ITPRIP: variants seen among roughly 807,000 people sequenced by gnomAD.
The protein encoded by ITPRIP is inositol 1,4,5-trisphosphate receptor-interacting protein.
ITPRIP carries 32 observed loss-of-function variants against 35.8 expected under a neutral mutation model. That is an observed-to-expected ratio of 0.89 (90% CI 0.68 to 1.20). ITPRIP has a LOEUF of 1.20. ITPRIP is among the 50% of genes most tolerant of loss of function. ITPRIP has a pLI of 0.00. For missense variants in ITPRIP, 653 were observed against 735.6 expected, an observed-to-expected ratio of 0.89 and a Z score of 1.30; for synonymous variants, 358 against 324.0, an observed-to-expected ratio of 1.11 and a Z score of -1.13.
intron 1 of ITPRIP, among the ~76,000 whole-genome samples, chr10:104,336,493 T>A: frequency 9.2e-6 from 1 of 108,172 alleles, no homozygotes; most frequent in South Asian, 3.3e-4. Context: ...TTATTTTTTT[T>A]TGGGGGGGGG....
rs1186018852 is a variant in ITPRIP, at chr10:104,333,454, G to A, written c.-14+4792C>T. The A allele has an allele frequency of 6.6e-6, 1 of 152,198 alleles. No homozygotes were observed. The highest frequency in any genetic ancestry group is 1.5e-5 in the Non-Finnish European group (1 of 68,072). The allele number at this position is 152,198 out of a possible 1,614,324, so 9.4% of individuals were successfully genotyped here. On this transcript the variant is annotated intron_variant, in intron 1 of 1. Transcript: ENST00000337478. This position sits in a 1 kb window ranked among gnomAD's most constrained non-coding sequence, Gnocchi z 4.1. The stretch of plus-strand genomic sequence containing the variant: ...AGGCGTTGCCCTGAGCAACAGTGAT[G>A]TCACCTGCAGGGTGCTTCCGTTTCA...
Position 104,313,812 on chromosome 10 carries a change from G to C in ITPRIP, c.*596C>G, listed in dbSNP as rs1323170826. The C allele has an allele frequency of 1.0e-6, 1 of 985,420 alleles. No homozygotes were observed. The highest frequency in any genetic ancestry group is 1.2e-6 in the Non-Finnish European group (1 of 830,080). The allele number at this position is 985,420 out of a possible 1,614,324, so 61.0% of individuals were successfully genotyped here. On this transcript the variant is annotated 3_prime_UTR_variant, in exon 2 of 2. Coordinates refer to ENST00000337478, the MANE Select transcript of ITPRIP (RefSeq NM_001272013.2). ...GTGTGACAGAGACGTTAGTCATTTG[G>C]GCCTCGAATTTATACAAGGTCTTTT...
Position 104,314,287 on chromosome 10 carries a change from G to T in ITPRIP, c.*121C>A. ...GTAGGGCTTGGCTTCCTGGCAGGCT[G>T]AGCACGGCTCCCACGAAAGCCCGCC... is the stretch of plus-strand genomic sequence containing the variant. On this transcript the variant is annotated 3_prime_UTR_variant, in exon 2 of 2. Coordinates refer to ENST00000337478, the MANE Select transcript of ITPRIP (RefSeq NM_001272013.2). 1 of 1,507,988 alleles carries T rather than the reference G, an allele frequency of 6.6e-7. No homozygotes were observed. The highest frequency in any genetic ancestry group is 8.8e-7 in the Non-Finnish European group (1 of 1,131,726). 93.4% of individuals were successfully genotyped at this position (1,507,988 alleles called of 1,614,324 possible). A position where few individuals can be genotyped will look rare whatever the true frequency, so the allele number is the denominator to read the frequency against.
At position 104,314,493 on chromosome 10, in the gene ITPRIP, A is replaced by T. The variant is rs775775484; in HGVS notation, c.1559T>A (p.Phe520Tyr). 3 of 1,614,192 alleles carry T rather than the reference A, an allele frequency of 1.9e-6. No homozygotes were observed. The highest frequency in any genetic ancestry group is 2.5e-6 in the Non-Finnish European group (3 of 1,180,038). ...RSLYRKTLDS[F>Y]YEMLKNAPAL... ...TGGGGCATTCTTGAGCATCTCATAG[A>T]AGGAGTCCAGTGTCTTACGGTAAAG... Residue 520 changes from phenylalanine to tyrosine, a missense_variant, in exon 2 of 2, where the codon TTC becomes TAC. Phe to Tyr is a conservative substitution (Grantham distance 22, BLOSUM62 3). Coordinates refer to ENST00000337478, the MANE Select transcript of ITPRIP (RefSeq NM_001272013.2).
chr10:104,314,612 GC>G lies in ITPRIP; in HGVS notation c.1439del (p.Gly480AlafsTer148). The G allele has an allele frequency of 6.2e-7, 1 of 1,614,182 alleles. No individual in the cohort carries two copies. The highest frequency in any genetic ancestry group is 8.5e-7 in the Non-Finnish European group (1 of 1,180,028). ...LQKKLHHFFIGNRKVPEAMGL... is the reference protein window; with the variant it reads ...LQKKLHHFFIXNRKVPEAMGL... ...CCATGGCCTCAGGCACCTTGCGGTT[GC>G]CGATGAAGAAGTGGTGGAGCTTCTT... On this transcript the variant is annotated frameshift_variant, in exon 2 of 2. Coordinates refer to ENST00000337478, the MANE Select transcript of ITPRIP (RefSeq NM_001272013.2). LOFTEE classifies it high-confidence loss of function.
chr10:104,316,579 C>T (rs2013697801), intron 1 of ITPRIP, among the ~76,000 whole-genome samples: 1 of 152,064 alleles, frequency 6.6e-6, no homozygotes. Flanking sequence ...AGGATTATAC[C>T]TGCAGTGGGC....
chr10:104,322,845 T>C (rs908314109), intron 1 of ITPRIP, among the ~76,000 whole-genome samples: 4 of 152,148 alleles, frequency 2.6e-5, no homozygotes, highest in African/African-American at 9.7e-5. Flanking sequence ...TGGGGGTGAC[T>C]TGGGTCCCTT....
Position 104,314,169 on chromosome 10 carries a change from A to T in ITPRIP, c.*239T>A, listed in dbSNP as rs1412201964. ...GTGATCCAGAAGTAAACTGCAAGGG[A>T]TCAGTCCCTAAACCCAAATAACAGC... On this transcript the variant is annotated 3_prime_UTR_variant, in exon 2 of 2. Coordinates refer to ENST00000337478, the MANE Select transcript of ITPRIP (RefSeq NM_001272013.2). 7.6e-7 allele frequency: 1 copy of T among 1,315,676 alleles called. No individual in the cohort carries two copies. The highest frequency in any genetic ancestry group is 9.7e-7 in the Non-Finnish European group (1 of 1,033,390). The allele number at this position is 1,315,676 out of a possible 1,614,324, so 81.5% of individuals were successfully genotyped here. A position where few individuals can be genotyped will look rare whatever the true frequency, so the allele number is the denominator to read the frequency against.
Position 104,333,140 on chromosome 10 carries a change from G to A in ITPRIP, c.-14+5106C>T, listed in dbSNP as rs1008277613. Among the ~76,000 whole-genome samples, 2 of 152,120 alleles carry A rather than the reference G, an allele frequency of 1.3e-5. No individual in the cohort carries two copies. Among genetic ancestry groups the A allele is most frequent in the African/African-American group, 4.8e-5 (2 of 41,410 alleles). ...TCCCCTAACCCTCCTTACAGATCCA[G>A]GCTGCAGGAGGACCCCTAAGGAGTC... On this transcript the variant is annotated intron_variant, in intron 1 of 1. Transcript: ENST00000337478. The surrounding 1 kb of genome is among the most constrained non-coding windows in gnomAD (Gnocchi z 4.1).
intron 1 of ITPRIP, among the ~76,000 whole-genome samples, chr10:104,323,186 G>C (rs946952366): frequency 6.6e-6 from 1 of 152,194 alleles, no homozygotes; most frequent in Non-Finnish European, 1.5e-5. Flanking sequence ...TTCCAGCACA[G>C]AACAGGGGAA....
chr10:104,329,465 C>T (rs1258964658), intron 1 of ITPRIP, among the ~76,000 whole-genome samples: 2 of 152,050 alleles, frequency 1.3e-5, no homozygotes, highest in African/African-American at 2.4e-5. Flanking sequence ...AGGTGTGATG[C>T]GGGTGCTCCA....
chr10:104,319,698 T>C (rs276198), intron 1 of ITPRIP, among the ~76,000 whole-genome samples: 7,914 of 151,448 alleles, frequency 0.052, 723 homozygotes, highest in African/African-American at 0.18. Context: ...CCAGATGGGG[T>C]TCAGTTTGAA....
rs766564172 is a variant in ITPRIP at position 104,312,147 on chromosome 10, G to T, written c.*2261C>A. The T allele has an allele frequency of 6.6e-6, 1 of 152,228 alleles. No homozygotes were observed. The highest frequency in any genetic ancestry group is 1.5e-5 in the Non-Finnish European group (1 of 68,040). 9.4% of individuals were successfully genotyped at this position (152,228 alleles called of 1,614,324 possible). A position where few individuals can be genotyped will look rare whatever the true frequency, so the allele number is the denominator to read the frequency against. On this transcript the variant is annotated 3_prime_UTR_variant, in exon 2 of 2. Coordinates refer to ENST00000337478, the MANE Select transcript of ITPRIP (RefSeq NM_001272013.2). ...CAGTGACCATTTCTACTCCTTGCAA[G>T]ATTTAATTCTTCCTTTAATATAAAT...
intron 1 of ITPRIP, among the ~76,000 whole-genome samples, chr10:104,336,361 C>T (rs2014232628): frequency 6.6e-6 from 1 of 152,086 alleles, no homozygotes; most frequent in Non-Finnish European, 1.5e-5. Flanking sequence ...CCACCCCTTC[C>T]AAGCAGATTC....
intron 1 of ITPRIP, among the ~76,000 whole-genome samples, chr10:104,335,469 C>T (rs2014217265): frequency 6.6e-6 from 1 of 152,172 alleles, no homozygotes; most frequent in Admixed American, 6.5e-5. Context: ...TGAGCCACAC[C>T]TGGGGGCACT....
chr10:104,324,628 C>T (rs1051587888), intron 1 of ITPRIP, among the ~76,000 whole-genome samples: 2 of 152,150 alleles, frequency 1.3e-5, no homozygotes, highest in African/African-American at 4.8e-5. Context: ...CACTGGGCTC[C>T]TTCCCTTCCT....
chr10:104,332,641 T>G (rs1238351493), intron 1 of ITPRIP, among the ~76,000 whole-genome samples: 1 of 152,124 alleles, frequency 6.6e-6, no homozygotes, highest in Non-Finnish European at 1.5e-5. Flanking sequence ...GTCACCAAGT[T>G]AAGAGCATCA....
Position 104,315,500 on chromosome 10 carries a change from G to A in ITPRIP, c.552C>T (p.Asp184=), listed in dbSNP as rs2013643445. 6.2e-7 allele frequency: 1 copy of A among 1,614,224 alleles called. No individual in the cohort carries two copies. The highest frequency in any genetic ancestry group is 8.5e-7 in the Non-Finnish European group (1 of 1,180,030). ...CGCCAATGAAGTCCTCCACCTCCAT[G>A]TCGGTGTCCCGGTTGCAGAGGCTCC... ...ALRSLCNRDT[D]MEVEDFIGVD... Residue 184 remains aspartate (D), a synonymous_variant, in exon 2 of 2, where the codon GAC becomes GAT. Coordinates refer to ENST00000337478, the MANE Select transcript of ITPRIP (RefSeq NM_001272013.2). This position sits in a 1 kb window ranked among gnomAD's most constrained non-coding sequence, Gnocchi z 5.7.
At position 104,315,649 on chromosome 10, in the gene ITPRIP, T is replaced by C. The variant is rs946506142; in HGVS notation, c.403A>G (p.Thr135Ala). The C allele has an allele frequency of 2.5e-6, 4 of 1,612,138 alleles. No homozygotes were observed. Among genetic ancestry groups the C allele is most frequent in the Non-Finnish European group, 3.4e-6 (4 of 1,179,798 alleles). ...CCAAGCGTGGCCTTGTTGGGCAGGG[T>C]GAGGCCCTGCAAGGGGGCGCCCCCC... The part of the protein sequence containing the change: ...GLGGAPLQGL[T>A]LPNKATLGHF... The change falls in exon 2 of 2, where the codon ACC becomes GCC. Residue 135 changes from threonine to alanine, a missense_variant. Thr to Ala is a moderately conservative substitution (Grantham distance 58, BLOSUM62 0). Transcript: ENST00000337478. This position sits in a 1 kb window ranked among gnomAD's most constrained non-coding sequence, Gnocchi z 5.7.
Sources: allele counts gnomAD v4.1 joint callset (sites outside exome capture counted in the v4.1 genomes callset), GRCh38; gene constraint gnomAD v4.1.1; non-coding constraint Gnocchi (gnomAD v3.1); transcripts MANE v1.5; gene names NCBI Gene and HGNC (gene_info 2026-07-23, HGNC 2026-07-21).